DAP: variants seen among roughly 807,000 people sequenced by gnomAD.
DAP encodes the protein death associated protein.
DAP carries 8 observed loss-of-function variants against 13.8 expected under a neutral mutation model. That is an observed-to-expected ratio of 0.58 (90% confidence interval 0.34 to 1.05). DAP has a LOEUF of 1.05. Ranked by LOEUF, DAP falls within the 50% of genes least tolerant of loss-of-function variation. The pLI, the probability that DAP is intolerant of heterozygous loss-of-function variation, is 0.03. For missense variants in DAP, 106 were observed against 133.2 expected (o/e 0.80, Z 1.01); for synonymous variants, 47 against 47.5 (o/e 0.99, Z 0.04).
chr5:10,747,279 A>G (rs1739930186), intron 2 of DAP, among the ~76,000 whole-genome samples: 1 of 152,212 alleles, frequency 6.6e-6, no homozygotes, highest in Non-Finnish European at 1.5e-5. Context: ...CGTATTGCAA[A>G]GTCGAGAGAA....
Position 10,717,196 on chromosome 5 carries a change from C to T in DAP, c.152+30979G>A, listed in dbSNP as rs948614402. Among the ~76,000 whole-genome samples the T allele has an allele frequency of 9.9e-5, 15 of 152,236 alleles. No homozygotes were observed. The South Asian group carries it at 1.7e-3, about 17-fold the overall frequency. Reference sequence around the variant, plus strand: ...ATGATGAACTCAGGGATTCTGTCTCCGGGCTTCAGAAGCAGATACTGAACC... The same window carrying T: ...ATGATGAACTCAGGGATTCTGTCTCTGGGCTTCAGAAGCAGATACTGAACC... On this transcript the variant is annotated intron_variant, in intron 2 of 3. Coordinates refer to ENST00000230895, the MANE Select transcript of DAP (RefSeq NM_004394.3).
At chr5:10,749,454 C>T (rs1739990473) in intron 1 of DAP, among the ~76,000 whole-genome samples, 1 of 152,168 alleles carries the variant, frequency 6.6e-6, no homozygotes, top group African/African-American at 2.4e-5. Context: ...TCCACATGTT[C>T]CCGACACTTA....
rs114780175 is a variant in DAP, at chr5:10,756,676, G to A, written c.55+4338C>T. On this transcript the variant is annotated intron_variant, in intron 1 of 3. Transcript: ENST00000230895. Reference sequence around the variant, plus strand: ...ATTTATGAGAACTCTACTGACACATGGTTTTGGCTCCACTGGGAAATGGAG... The same window carrying A: ...ATTTATGAGAACTCTACTGACACATAGTTTTGGCTCCACTGGGAAATGGAG... 1.8e-3 allele frequency among the ~76,000 whole-genome samples: 268 copies of A among 152,290 alleles called. 2 individuals are homozygous for A. Among genetic ancestry groups the A allele is most frequent in the African/African-American group, 6.2e-3 (256 of 41,540 alleles).
At chr5:10,752,413 TA>T (rs1740069257) in intron 1 of DAP, among the ~76,000 whole-genome samples, 1 of 152,264 alleles carries the variant, frequency 6.6e-6, no homozygotes, top group Non-Finnish European at 1.5e-5. Flanking sequence ...TCTTCATTTG[TA>T]AAACTACAAA....
chr5:10,735,085 T>G lies in DAP; in HGVS notation c.152+13090A>C, dbSNP rs145839688. On this transcript the variant is annotated intron_variant, in intron 2 of 3. Coordinates refer to ENST00000230895, the MANE Select transcript of DAP (RefSeq NM_004394.3). Reference sequence around the variant, plus strand: ...TGAGTTCAATTCTCTAGTATCATCCTCAATATATCCCAAGTGCCTCAAACT... The same window carrying G: ...TGAGTTCAATTCTCTAGTATCATCCGCAATATATCCCAAGTGCCTCAAACT... Among the ~76,000 whole-genome samples, 1,451 of 152,312 alleles carry G rather than the reference T, an allele frequency of 9.5e-3. 27 individuals carry two copies. The highest frequency in any genetic ancestry group is 0.033 in the African/African-American group (1,375 of 41,556).
chr5:10,728,833 G>A (rs1739359077), intron 2 of DAP, among the ~76,000 whole-genome samples: 1 of 152,176 alleles, frequency 6.6e-6, no homozygotes. Flanking sequence ...GATGCGGAGA[G>A]GAAGAGGCAG....
chr5:10,679,280 TAAC>T lies in DAP; in HGVS notation c.*1773_*1775del, dbSNP rs1366845432. ...ATAAATCATTTAATATTCTTGAAGT[TAAC>T]AACTGATAAACTCATTTAGGCAAAC... On this transcript the variant is annotated 3_prime_UTR_variant, in exon 4 of 4. Transcript: ENST00000230895. 3 of 152,510 alleles carry T rather than the reference TAAC, an allele frequency of 2.0e-5. No homozygotes were observed. The highest frequency in any genetic ancestry group is 4.1e-4 in the South Asian group (2 of 4,834). The allele number at this position is 152,510 out of a possible 1,614,324, so 9.4% of individuals were successfully genotyped here.
intron 2 of DAP, among the ~76,000 whole-genome samples, chr5:10,710,683 C>T (rs568514516): frequency 2.0e-5 from 3 of 152,292 alleles, no homozygotes. Flanking sequence ...GAAGGCAGGA[C>T]GTGCCTTGAC....
chr5:10,683,365 C>T (rs1470960163), intron 3 of DAP, 164 bp downstream of exon 3: 4 of 782,214 alleles, frequency 5.1e-6, no homozygotes, highest in Admixed American at 2.1e-5. Context: ...TCTGCAGAAG[C>T]AGCCTCTGGG....
At chr5:10,760,180 C>G (rs753879268) in intron 1 of DAP, among the ~76,000 whole-genome samples, 5 of 152,204 alleles carry the variant, frequency 3.3e-5, no homozygotes, top group Non-Finnish European at 5.9e-5. Context: ...CCTAAAAGAA[C>G]CTCACGCATC....
chr5:10,748,184 T>A lies in DAP; in HGVS notation c.143A>T (p.Glu48Val), dbSNP rs749069910. 1 of 1,612,950 alleles carries A rather than the reference T, an allele frequency of 6.2e-7. No individual in the cohort carries two copies. The highest frequency in any genetic ancestry group is 8.5e-7 in the Non-Finnish European group (1 of 1,178,960). ...GCTAGCATCATCCCACCTGGGGCTTTCCCATTCCTGGTCATCCTTGTCTTT... is the reference window on the plus strand; with the variant it reads ...GCTAGCATCATCCCACCTGGGGCTTACCCATTCCTGGTCATCCTTGTCTTT... ...EEKDKDDQEW[E>V]SPSPPKPTVF... The change falls in exon 2 of 4, where the codon GAA becomes GTA. Residue 48 changes from glutamate to valine, a missense_variant. Coordinates refer to ENST00000230895, the MANE Select transcript of DAP (RefSeq NM_004394.3).
In DAP at chr5:10,680,551, T is replaced by C. The variant is rs1737957641; in HGVS notation, c.*505A>G. ...CCCCCATCTCACGAGAGAGGGAAAT[T>C]TGGCATTGCTGTTCCCTGCCTCTAA... On this transcript the variant is annotated 3_prime_UTR_variant, in exon 4 of 4. Coordinates refer to ENST00000230895, the MANE Select transcript of DAP (RefSeq NM_004394.3). 1.6e-6 allele frequency: 1 copy of C among 628,766 alleles called. No individual in the cohort carries two copies. The highest frequency in any genetic ancestry group is 2.1e-5 in the South Asian group (1 of 48,370). The allele number at this position is 628,766 out of a possible 1,614,324, so 38.9% of individuals were successfully genotyped here.
chr5:10,681,957 A>G (rs752976133), intron 3 of DAP, among the ~76,000 whole-genome samples: 6 of 151,524 alleles, frequency 4.0e-5, no homozygotes, highest in Non-Finnish European at 5.9e-5. Context: ...GCCAGAGCCC[A>G]CCAGCGTCGC....
intron 2 of DAP, among the ~76,000 whole-genome samples, chr5:10,703,796 C>T (rs987539164): frequency 6.6e-5 from 10 of 152,208 alleles, no homozygotes; most frequent in Non-Finnish European, 1.3e-4. Flanking sequence ...GGAGCCTTCC[C>T]CTGGCTGGCT....
At chr5:10,700,383 G>A (rs1213070617) in intron 2 of DAP, among the ~76,000 whole-genome samples, 5 of 152,200 alleles carry the variant, frequency 3.3e-5, no homozygotes, top group African/African-American at 1.2e-4. Context: ...CCCTGCAAAT[G>A]TTAATGAATT....
At chr5:10,711,597 G>A (rs1023155740) in intron 2 of DAP, among the ~76,000 whole-genome samples, 23 of 152,234 alleles carry the variant, frequency 1.5e-4, no homozygotes, top group South Asian at 1.2e-3. Flanking sequence ...CTCTGACAGC[G>A]CTTCCTGTGT....
chr5:10,683,384 G>A (rs574543750), intron 3 of DAP, 145 bp downstream of exon 3: 2 of 856,114 alleles, frequency 2.3e-6, no homozygotes, highest in Admixed American at 1.9e-5. Flanking sequence ...GGGAAACGCG[G>A]CAATGAAGAG....
intron 2 of DAP, among the ~76,000 whole-genome samples, chr5:10,698,282 CAAAAAA>C (rs71613386): frequency 1.9e-4 from 8 of 42,904 alleles, no homozygotes; most frequent in East Asian, 9.1e-4. Flanking sequence ...CCAGACTTAG[CAAAAAA>C]AAAAAAAAAA....
chr5:10,760,981 C>T, intron 1 of DAP, 33 bp downstream of exon 1: 3 of 1,209,034 alleles, frequency 2.5e-6, no homozygotes, highest in Non-Finnish European at 3.1e-6. Flanking sequence ...CCCCCGGCAC[C>T]CGCGCGTGGA....
Sources: allele counts gnomAD v4.1 joint callset (sites outside exome capture counted in the v4.1 genomes callset), GRCh38; gene constraint gnomAD v4.1.1; transcripts MANE v1.5; gene names NCBI Gene and HGNC (gene_info 2026-07-23, HGNC 2026-07-21).